Variants in PPP1R9A observed in about 807,000 individuals in gnomAD.
PPP1R9A encodes the protein neurabin-1.
A neutral mutation model predicts 141.9 loss-of-function variants in PPP1R9A; 59 were observed. The observed-to-expected ratio is 0.42, with a 90% CI of 0.34 to 0.52. PPP1R9A has a LOEUF of 0.52. Ranked by LOEUF, PPP1R9A falls within the 20% of genes least tolerant of loss-of-function variation. The pLI is 0.10. For synonymous variants in PPP1R9A, 500 were observed against 569.7 expected (o/e 0.88, Z 1.74); for missense variants, 1,444 against 1,611.9 (o/e 0.90, Z 1.78).
intron 4 of PPP1R9A, among the ~76,000 whole-genome samples, chr7:95,124,516 A>G (rs1823210775): frequency 6.6e-6 from 1 of 152,148 alleles, no homozygotes; most frequent in African/African-American, 2.4e-5. Context: ...TAGAGAATAT[A>G]TACCACTTGT....
chr7:94,933,666 C>T (rs1234517180), intron 2 of PPP1R9A, among the ~76,000 whole-genome samples: 1 of 152,038 alleles, frequency 6.6e-6, no homozygotes, highest in Non-Finnish European at 1.5e-5. Context: ...TTCACCATAC[C>T]AGGCACCAAG....
Position 95,295,400 on chromosome 7 carries a change from T to A in PPP1R9A, c.*5097T>A, listed in dbSNP as rs2116243851. On this transcript the variant is annotated 3_prime_UTR_variant, in exon 20 of 20. Coordinates refer to ENST00000433360, the MANE Select transcript of PPP1R9A (RefSeq NM_001166160.2). Reference sequence around the variant, plus strand: ...CAAATATTTGGCTAATGCTTTGATGTCAAGATTGCATATTGCTGAGTTGGA... The same window carrying A: ...CAAATATTTGGCTAATGCTTTGATGACAAGATTGCATATTGCTGAGTTGGA... 1 of 152,774 alleles carries A rather than the reference T, an allele frequency of 6.5e-6. No homozygotes were observed. Among genetic ancestry groups the A allele is most frequent in the South Asian group, 2.1e-4 (1 of 4,830 alleles). 9.5% of individuals were successfully genotyped at this position (152,774 alleles called of 1,614,324 possible). A position where few individuals can be genotyped will look rare whatever the true frequency, so the allele number is the denominator to read the frequency against.
rs1236174030 is a variant in PPP1R9A at position 95,295,114 on chromosome 7, TACAC to T, written c.*4814_*4817del. 1 of 152,604 alleles carries T rather than the reference TACAC, an allele frequency of 6.6e-6. No individual in the cohort carries two copies. Among genetic ancestry groups the T allele is most frequent in the Non-Finnish European group, 1.5e-5 (1 of 68,042 alleles). The allele number at this position is 152,604 out of a possible 1,614,324, so 9.5% of individuals were successfully genotyped here. On this transcript the variant is annotated 3_prime_UTR_variant, in exon 20 of 20. Transcript: ENST00000433360. ...ATATGTGTGAATATCACTCCCACCT[TACAC>T]ACGCACACACACTGCAATCACATGG...
chr7:95,259,864 GA>G (rs1800160311), intron 12 of PPP1R9A, among the ~76,000 whole-genome samples: 1 of 152,002 alleles, frequency 6.6e-6, no homozygotes, highest in Non-Finnish European at 1.5e-5. Flanking sequence ...TTCTAAATTG[GA>G]GCCTAGGGAA....
rs529891493 is a variant in PPP1R9A, at chr7:94,911,402, A to G, written c.1289A>G (p.Asn430Ser). Residue 430 changes from asparagine to serine, a missense_variant, in exon 2 of 20, where the codon AAC becomes AGC. Asn to Ser is a conservative substitution (Grantham distance 46). This residue lies in a region of PPP1R9A where 490 missense variants were observed against 521.1 expected (regional missense o/e 0.94). Transcript: ENST00000433360. ...GATGAGGAGGAAGATAGTGATGAGA[A>G]CAGTTACTATCAGCCTGATATGGAG... ...EQDEEEDSDENSYYQPDMEYS... is the reference protein window; with the variant it reads ...EQDEEEDSDESSYYQPDMEYS... 98 of 1,613,518 alleles carry G rather than the reference A, an allele frequency of 6.1e-5. 2 individuals are homozygous for G. The South Asian group carries it at 1.0e-3, about 17-fold the overall frequency.
At chr7:94,967,465 T>C (rs1295204707) in intron 2 of PPP1R9A, among the ~76,000 whole-genome samples, 2 of 152,172 alleles carry the variant, frequency 1.3e-5, no homozygotes. Context: ...TGCTATAAAT[T>C]TTTCTCTAAA....
chr7:95,238,296 C>T lies in PPP1R9A; in HGVS notation c.2113-9177C>T, dbSNP rs527524064. 2.0e-5 allele frequency among the ~76,000 whole-genome samples: 3 copies of T among 152,258 alleles called. No homozygotes were observed. In the South Asian group the frequency reaches 6.2e-4, roughly 32 times the overall value. ...TAATTCACTATTATCTCTGGTGCTGCAGCTTACCTACCACATTACACCAAA... is the reference window on the plus strand; with the variant it reads ...TAATTCACTATTATCTCTGGTGCTGTAGCTTACCTACCACATTACACCAAA... On this transcript the variant is annotated intron_variant, in intron 8 of 19. Coordinates refer to ENST00000433360, the MANE Select transcript of PPP1R9A (RefSeq NM_001166160.2).
At chr7:95,049,969 G>T (rs1268116208) in intron 2 of PPP1R9A, among the ~76,000 whole-genome samples, 1 of 152,136 alleles carries the variant, frequency 6.6e-6, no homozygotes, top group African/African-American at 2.4e-5. Context: ...AAACATCTGT[G>T]TGCAGATTTT....
chr7:95,289,797 G>A (rs1585661704), intron 19 of PPP1R9A, among the ~76,000 whole-genome samples: 1 of 136,510 alleles, frequency 7.3e-6, no homozygotes, highest in Admixed American at 7.0e-5. Flanking sequence ...CAGCCCAAAG[G>A]TTGGAGAAGT....
chr7:94,928,666 CTTTA>C (rs1207639742), intron 2 of PPP1R9A, among the ~76,000 whole-genome samples: 4 of 152,080 alleles, frequency 2.6e-5, no homozygotes, highest in Admixed American at 2.0e-4. Context: ...TTTTTGCCCT[CTTTA>C]TTTGTCTTTC....
intron 2 of PPP1R9A, among the ~76,000 whole-genome samples, chr7:94,917,574 A>ATT (rs558296990): frequency 0.014 from 1,906 of 140,184 alleles, 45 homozygotes; most frequent in African/African-American, 0.047. Flanking sequence ...GCCTGTTATT[A>ATT]TTTTTTTTTT....
At position 95,127,098 on chromosome 7, in the gene PPP1R9A, T is replaced by C. The variant is rs189839478; in HGVS notation, c.1649+6266T>C. Among the ~76,000 whole-genome samples, 8 of 152,310 alleles carry C rather than the reference T, an allele frequency of 5.3e-5. No homozygotes were observed. In the East Asian group the frequency reaches 1.5e-3, roughly 29 times the overall value. On this transcript the variant is annotated intron_variant, in intron 4 of 19. Coordinates refer to ENST00000433360, the MANE Select transcript of PPP1R9A (RefSeq NM_001166160.2). The stretch of plus-strand genomic sequence containing the variant: ...AAGGTAAATTGAAAAGCCCGTTATA[T>C]AGCAAACTCCATAGAACTCCACTTC...
chr7:94,917,216 C>G (rs947430749), intron 2 of PPP1R9A, among the ~76,000 whole-genome samples: 1 of 152,008 alleles, frequency 6.6e-6, no homozygotes, highest in African/African-American at 2.4e-5. Flanking sequence ...TTTTAATATA[C>G]TTTGTAAAAT....
intron 2 of PPP1R9A, among the ~76,000 whole-genome samples, chr7:94,964,914 T>TG (rs1208241132): frequency 1.3e-5 from 2 of 152,226 alleles, no homozygotes; most frequent in Non-Finnish European, 2.9e-5. Flanking sequence ...TCTTTCACAG[T>TG]GGTTGAACTA....
intron 2 of PPP1R9A, among the ~76,000 whole-genome samples, chr7:94,914,505 G>A (rs1421400510): frequency 6.6e-6 from 1 of 152,092 alleles, no homozygotes; most frequent in Non-Finnish European, 1.5e-5. Context: ...ATCTTTCACA[G>A]ACAGTTATTT....
intron 14 of PPP1R9A, 25 bp from the exon 15 acceptor site, chr7:95,273,874 T>G (rs1389624848): frequency 2.1e-6 from 3 of 1,459,566 alleles, no homozygotes; most frequent in Non-Finnish European, 2.8e-6. Context: ...ATAATTGATC[T>G]TTTTCACAAA....
At chr7:95,144,138 A>T (rs902865600) in intron 4 of PPP1R9A, among the ~76,000 whole-genome samples, 13 of 150,864 alleles carry the variant, frequency 8.6e-5, no homozygotes, top group Admixed American at 8.6e-4. Flanking sequence ...TCTTTGACAA[A>T]CCTCTCCCCA....
At chr7:95,040,549 G>A (rs1021183654) in intron 2 of PPP1R9A, among the ~76,000 whole-genome samples, 1 of 151,964 alleles carries the variant, frequency 6.6e-6, no homozygotes, top group Non-Finnish European at 1.5e-5. Context: ...TTGCCCACAG[G>A]AGTTGACTCA....
intron 4 of PPP1R9A, among the ~76,000 whole-genome samples, chr7:95,124,584 T>C (rs1403920766): frequency 6.6e-6 from 1 of 152,178 alleles, no homozygotes; most frequent in Non-Finnish European, 1.5e-5. Flanking sequence ...GGAAATTACT[T>C]GTCAGACCTC....
Sources: gnomAD v4.1 joint callset for allele counts (sites outside exome capture counted in the v4.1 genomes callset) on GRCh38, gnomAD v4.1.1 for gene constraint, gnomAD v4.1.1 regional missense constraint, MANE v1.5 for transcripts, NCBI Gene and HGNC (gene_info 2026-07-23, HGNC 2026-07-21) for gene names.